PTBP2: variants seen among roughly 807,000 people sequenced by gnomAD.
The protein encoded by PTBP2 is polypyrimidine tract binding protein 2.
Under a neutral mutation model 61.4 loss-of-function variants are expected in PTBP2, and 13 were observed. The ratio of observed to expected loss-of-function variants is 0.21; its 90% CI spans 0.14 to 0.34. The LOEUF (loss-of-function observed/expected upper bound fraction) is 0.34, where lower values mean the gene tolerates loss of function less well. Ranked by LOEUF, PTBP2 falls within the 10% of genes least tolerant of loss-of-function variation. PTBP2 has a pLI of 1.00. For synonymous variants in PTBP2, 215 were observed against 218.5 expected (o/e 0.98, Z 0.14); for missense variants, 405 against 642.6 (o/e 0.63, Z 4.00).
downstream of PTBP2, chr1:96,815,984 T>C (rs1452524356): frequency 6.6e-6 from 1 of 152,234 alleles, no homozygotes; most frequent in East Asian, 1.9e-4. Flanking sequence ...GTGGCTATAA[T>C]ATTTGAAAGT....
At chr1:96,782,517 T>C (rs1289234522) in intron 7 of PTBP2, among the ~76,000 whole-genome samples, 1 of 152,036 alleles carries the variant, frequency 6.6e-6, no homozygotes, top group East Asian at 1.9e-4. Context: ...GAATTTATGA[T>C]GAAATCAGTG....
intron 2 of PTBP2, among the ~76,000 whole-genome samples, chr1:96,731,240 A>C (rs1307992477): frequency 6.6e-6 from 1 of 152,212 alleles, no homozygotes; most frequent in Non-Finnish European, 1.5e-5. Context: ...TTTATACTTA[A>C]AGAGTTACTG....
Position 96,771,832 on chromosome 1 carries a change from T to C in PTBP2, c.432+981T>C, listed in dbSNP as rs1557735575. Among the ~76,000 whole-genome samples the C allele has an allele frequency of 3.3e-5, 5 of 152,316 alleles. No homozygotes were observed. In the South Asian group the frequency reaches 6.2e-4, roughly 19 times the overall value. ...TGATCAAATCTGGCTGGTTAACATA[T>C]TCATCTCTTCAGTACTTACAATTTC... On this transcript the variant is annotated intron_variant, in intron 5 of 13. Coordinates refer to ENST00000674951, the MANE Select transcript of PTBP2 (RefSeq NM_021190.4).
chr1:96,808,732 TA>T (rs1661739862), intron 11 of PTBP2, among the ~76,000 whole-genome samples: 2 of 152,114 alleles, frequency 1.3e-5, no homozygotes, highest in South Asian at 4.1e-4. Flanking sequence ...TGCTGCTAGG[TA>T]GATTTTGCTT....
chr1:96,820,959 T>C (rs953340353), exon 14 of PTBP2: 1 of 152,212 alleles, frequency 6.6e-6, no homozygotes, highest in Non-Finnish European at 1.5e-5. Flanking sequence ...ATTCATGTTA[T>C]GACAGTATAC....
At chr1:96,737,971 T>C (rs1217018681) in intron 2 of PTBP2, among the ~76,000 whole-genome samples, 1 of 152,182 alleles carries the variant, frequency 6.6e-6, no homozygotes, top group East Asian at 1.9e-4. Context: ...TCATTTGTGA[T>C]GAACTTTTGA....
At chr1:96,793,634 G>GTGCTGGGA (rs1223511850) in intron 8 of PTBP2, among the ~76,000 whole-genome samples, 1 of 152,162 alleles carries the variant, frequency 6.6e-6, no homozygotes, top group Non-Finnish European at 1.5e-5. Flanking sequence ...GTCTCCCAAA[G>GTGCTGGGA]TGCTGGGATT....
chr1:96,729,021 T>A (rs1650991409), intron 2 of PTBP2, among the ~76,000 whole-genome samples: 1 of 152,164 alleles, frequency 6.6e-6, no homozygotes. Flanking sequence ...ATAGTTTTTT[T>A]TATATATTTC....
intron 2 of PTBP2, among the ~76,000 whole-genome samples, chr1:96,741,802 TTTAA>T (rs1197399207): frequency 6.6e-6 from 1 of 152,182 alleles, no homozygotes; most frequent in Non-Finnish European, 1.5e-5. Context: ...ATGTTACAGG[TTTAA>T]TTATTTTTTC....
intron 2 of PTBP2, among the ~76,000 whole-genome samples, chr1:96,741,809 A>G (rs1038458458): frequency 6.6e-6 from 1 of 152,082 alleles, no homozygotes; most frequent in South Asian, 2.1e-4. Context: ...AGGTTTAATT[A>G]TTTTTTCTAT....
At chr1:96,761,120 G>C (rs1264830360) in intron 3 of PTBP2, among the ~76,000 whole-genome samples, 1 of 152,150 alleles carries the variant, frequency 6.6e-6, no homozygotes, top group Non-Finnish European at 1.5e-5. Context: ...TTAGAAACCA[G>C]AATGTTGGAG....
chr1:96,818,616 A>AT (rs1662568433), downstream of PTBP2: 1 of 152,056 alleles, frequency 6.6e-6, no homozygotes, highest in Non-Finnish European at 1.5e-5. Context: ...CTGAATCTAC[A>AT]TTTTGACAAG....
At chr1:96,817,489 A>G (rs1489199136), downstream of PTBP2, 1 of 152,116 alleles carries the variant, frequency 6.6e-6, no homozygotes, top group African/African-American at 2.4e-5. Context: ...AGATTTTGCA[A>G]ATAAAAGTGT....
intron 8 of PTBP2, among the ~76,000 whole-genome samples, chr1:96,801,734 G>T (rs1052716638): frequency 6.6e-6 from 1 of 151,756 alleles, no homozygotes; most frequent in Non-Finnish European, 1.5e-5. Flanking sequence ...GGTAGTGGGT[G>T]CCTGTAGTCT....
intron 11 of PTBP2, among the ~76,000 whole-genome samples, chr1:96,810,411 AT>A (rs2101245259): frequency 6.6e-6 from 1 of 152,206 alleles, no homozygotes; most frequent in East Asian, 1.9e-4. Context: ...TTACTTAAAA[AT>A]TTTGGTATTC....
intron 8 of PTBP2, among the ~76,000 whole-genome samples, chr1:96,792,271 G>A (rs1170209097): frequency 6.6e-6 from 1 of 152,130 alleles, no homozygotes; most frequent in Non-Finnish European, 1.5e-5. Context: ...TTTGTGTTCT[G>A]TGTCAGGCAC....
intron 8 of PTBP2, among the ~76,000 whole-genome samples, chr1:96,791,919 C>T (rs556560379): frequency 1.2e-4 from 18 of 146,470 alleles, no homozygotes; most frequent in African/African-American, 2.5e-4. Flanking sequence ...CTGCAAGCTC[C>T]GCCTCCTGGG....
intron 2 of PTBP2, among the ~76,000 whole-genome samples, chr1:96,738,966 A>G (rs1224031419): frequency 6.6e-6 from 1 of 152,230 alleles, no homozygotes; most frequent in African/African-American, 2.4e-5. Flanking sequence ...TGATAAGACA[A>G]TGAATAAATT....
At chr1:96,722,887 G>C (rs1459768228) in intron 1 of PTBP2, among the ~76,000 whole-genome samples, 2 of 152,200 alleles carry the variant, frequency 1.3e-5, no homozygotes, top group African/African-American at 4.8e-5. Context: ...CTCAATGTTA[G>C]AAAGGGGGCA....
Sources: gnomAD v4.1 joint callset for allele counts (sites outside exome capture counted in the v4.1 genomes callset) on GRCh38, gnomAD v4.1.1 for gene constraint, MANE v1.5 for transcripts, NCBI Gene and HGNC (gene_info 2026-07-23, HGNC 2026-07-21) for gene names.